Variants in RIPOR3 observed in about 807,000 individuals in gnomAD.
The protein encoded by RIPOR3 is RIPOR family member 3.
Under a neutral mutation model 114.3 loss-of-function variants are expected in RIPOR3, and 95 were observed. That is an observed-to-expected ratio of 0.83 (90% confidence interval 0.70 to 0.99). The LOEUF (loss-of-function observed/expected upper bound fraction) is 0.99. Among genes scored for constraint, RIPOR3 ranks in the 50% least tolerant of loss-of-function variants. The pLI is 0.00. For missense variants in RIPOR3, 1,252 were observed against 1,266.9 expected, an observed-to-expected ratio of 0.99 and a Z score of 0.18; for synonymous variants, 575 against 543.8, an observed-to-expected ratio of 1.06 and a Z score of -0.80.
chr20:50,643,123 A>G (rs1375153519), intron 1 of RIPOR3, among the ~76,000 whole-genome samples: 3 of 125,438 alleles, frequency 2.4e-5, no homozygotes, highest in Non-Finnish European at 4.7e-5. Context: ...TAATCTCAGC[A>G]CTTTTTTTTT....
intron 2 of RIPOR3, among the ~76,000 whole-genome samples, chr20:50,629,047 C>T (rs116182163): frequency 0.02 from 3,014 of 152,206 alleles, 108 homozygotes; most frequent in African/African-American, 0.069. Flanking sequence ...GGTGATTCAA[C>T]GGGAACTGGA....
intron 9 of RIPOR3, 65 bp from the exon 10 acceptor site, chr20:50,608,803 GC>G (rs974232518): frequency 4.3e-5 from 69 of 1,612,500 alleles, no homozygotes; most frequent in African/African-American, 5.3e-5. Context: ...TCCGCCCAGG[GC>G]CCTCCCTGCC....
chr20:50,606,489 C>T (rs1401628839), intron 11 of RIPOR3, among the ~76,000 whole-genome samples: 1 of 152,198 alleles, frequency 6.6e-6, no homozygotes, highest in East Asian at 1.9e-4. Flanking sequence ...CTGCCTCCAA[C>T]CATGGCTCAG....
chr20:50,640,564 G>T (rs35750467), intron 1 of RIPOR3, among the ~76,000 whole-genome samples: 2 of 143,630 alleles, frequency 1.4e-5, no homozygotes, highest in African/African-American at 5.4e-5. Flanking sequence ...AGCACTCTTC[G>T]GCCAACCACT....
intron 1 of RIPOR3, among the ~76,000 whole-genome samples, chr20:50,667,947 A>T (rs932747641): frequency 2.6e-5 from 4 of 152,146 alleles, no homozygotes; most frequent in African/African-American, 9.7e-5. Flanking sequence ...CTGAGATTCC[A>T]TGCTGCTGTG....
At chr20:50,595,246 C>T in intron 16 of RIPOR3, 123 bp downstream of exon 16, 2 of 1,320,814 alleles carry the variant, frequency 1.5e-6, no homozygotes, top group South Asian at 1.3e-5. Flanking sequence ...AGCCCAGCCA[C>T]AGCCTCCACT....
At chr20:50,609,802 G>A in intron 6 of RIPOR3, 80 bp from the exon 7 acceptor site, 1 of 1,340,910 alleles carries the variant, frequency 7.5e-7, no homozygotes, top group Non-Finnish European at 9.6e-7. Context: ...CTCCTCTCTG[G>A]GAGAGGCCCT....
At chr20:50,607,555 C>T (rs2083767967) in intron 11 of RIPOR3, among the ~76,000 whole-genome samples, 1 of 152,192 alleles carries the variant, frequency 6.6e-6, no homozygotes, top group Non-Finnish European at 1.5e-5. Context: ...TGTCTGCAGA[C>T]CCGCAGGCAC....
chr20:50,658,688 G>C (rs1405691233), intron 1 of RIPOR3, among the ~76,000 whole-genome samples: 1 of 151,888 alleles, frequency 6.6e-6, no homozygotes, highest in Non-Finnish European at 1.5e-5. Flanking sequence ...CTGGGAAACA[G>C]AGCGAGATTC....
intron 3 of RIPOR3, among the ~76,000 whole-genome samples, chr20:50,617,056 T>C (rs1450271117): frequency 6.6e-6 from 1 of 152,028 alleles, no homozygotes; most frequent in Non-Finnish European, 1.5e-5. Flanking sequence ...GCAGGAGAAT[T>C]GCTTGAACCT....
intron 3 of RIPOR3, among the ~76,000 whole-genome samples, chr20:50,619,150 G>C (rs1478150285): frequency 2.6e-5 from 4 of 152,084 alleles, no homozygotes; most frequent in African/African-American, 9.7e-5. Context: ...TTTCTCATCT[G>C]TAAAATAAGG....
intron 1 of RIPOR3, among the ~76,000 whole-genome samples, chr20:50,666,586 A>ACAACACT (rs1302806183): frequency 2.0e-5 from 3 of 146,684 alleles, no homozygotes; most frequent in Non-Finnish European, 4.5e-5. Flanking sequence ...TTTTTTTGAG[A>ACAACACT]CGGCGTCTCA....
chr20:50,618,181 A>T (rs183130819), intron 3 of RIPOR3, among the ~76,000 whole-genome samples: 1 of 147,138 alleles, frequency 6.8e-6, no homozygotes, highest in East Asian at 2.2e-4. Flanking sequence ...GCAGGAGAAT[A>T]GCTTGAACCC....
At chr20:50,609,547 G>A (rs538230582) in intron 7 of RIPOR3, 26 bp downstream of exon 7, 2 of 1,426,952 alleles carry the variant, frequency 1.4e-6, no homozygotes, top group Admixed American at 2.9e-5. Context: ...TGCCCCTGCT[G>A]CCCAGCCCAG....
At chr20:50,605,700 C>G (rs571306000) in intron 11 of RIPOR3, among the ~76,000 whole-genome samples, 1 of 152,014 alleles carries the variant, frequency 6.6e-6, no homozygotes, top group Non-Finnish European at 1.5e-5. Flanking sequence ...AGCACCTGAG[C>G]CTGGGAGGTG....
chr20:50,686,792 T>A (rs987494783), intron 1 of RIPOR3, among the ~76,000 whole-genome samples: 6 of 152,094 alleles, frequency 3.9e-5, no homozygotes, highest in African/African-American at 1.4e-4. Flanking sequence ...GCACGTTTTT[T>A]AGTTCTCTTT....
chr20:50,644,837 ATTTTTTATT>A (rs973498723), intron 1 of RIPOR3, among the ~76,000 whole-genome samples: 2 of 106,708 alleles, frequency 1.9e-5, no homozygotes, highest in African/African-American at 1.1e-4. Flanking sequence ...TTTATTTTTT[ATTTTTTATT>A]TTTTTTTTTT....
rs377115372 is a variant in RIPOR3, at chr20:50,608,943, T to C, written c.653A>G (p.Tyr218Cys). The C allele has an allele frequency of 4.3e-5, 68 of 1,584,176 alleles. No individual in the cohort carries two copies. In the African/African-American group the frequency reaches 9.1e-4, roughly 21 times the overall value. The change falls in exon 9 of 22, where the codon TAC (tyrosine) becomes TGC (cysteine). Residue 218 changes from tyrosine to cysteine, a missense_variant. Transcript: ENST00000327979. ...FHIRMKGLVG[Y>C]ARLCPGDHYE... ...GTGGTCTCCGGGACAGAGGCGTGCGTAGCCCACCAAGCCTGGAACACAGAC... is the reference window on the plus strand; with the variant it reads ...GTGGTCTCCGGGACAGAGGCGTGCGCAGCCCACCAAGCCTGGAACACAGAC...
At chr20:50,609,035 C>A (rs548943053) in intron 8 of RIPOR3, 80 bp from the exon 9 acceptor site, 2 of 1,534,800 alleles carry the variant, frequency 1.3e-6, no homozygotes, top group Admixed American at 3.9e-5. Flanking sequence ...CTGGGGTTCC[C>A]CCGAGTATAG....
Sources: gnomAD v4.1 joint callset for allele counts (sites outside exome capture counted in the v4.1 genomes callset) on GRCh38, gnomAD v4.1.1 for gene constraint, MANE v1.5 for transcripts, NCBI Gene and HGNC (gene_info 2026-07-23, HGNC 2026-07-21) for gene names.